KLK1: variants seen among roughly 807,000 people sequenced by gnomAD.
KLK1 encodes kallikrein 1, also known as kallikrein-1.
A neutral mutation model predicts 23.3 loss-of-function variants in KLK1; 22 were observed. The observed-to-expected ratio is 0.95, with a 90% confidence interval of 0.68 to 1.35. KLK1 has a LOEUF of 1.35. KLK1 is among the 40% of genes most tolerant of loss of function. The pLI is 0.00. For synonymous variants in KLK1, 140 were observed against 135.8 expected, an observed-to-expected ratio of 1.03 and a Z score of -0.21; for missense variants, 301 against 338.9, an observed-to-expected ratio of 0.89 and a Z score of 0.88.
chr19:50,822,749 G>A (rs1299159821), intron 1 of KLK1: 4 of 985,422 alleles, frequency 4.1e-6, no homozygotes, highest in Non-Finnish European at 4.8e-6. Flanking sequence ...GGTACTGGAA[G>A]GATATGGGGT....
intron 3 of KLK1, 40 bp from the exon 4 acceptor site, chr19:50,820,075 C>T: frequency 1.2e-6 from 2 of 1,612,252 alleles, no homozygotes; most frequent in Non-Finnish European, 1.7e-6. Context: ...CCCGACCTCA[C>T]CTGCTTCCCT....
At chr19:50,822,132 C>T in intron 1 of KLK1, 1 of 1,220,286 alleles carries the variant, frequency 8.2e-7, no homozygotes, top group Non-Finnish European at 1.0e-6. Context: ...GGGTAGGAGA[C>T]AGGAGACAGT....
Position 50,821,563 on chromosome 19 carries a change from C to CT in KLK1, c.206+148dup. ...CCTTGGAGAGGGGTGTCCAGCCCAG[C>CT]TCTGCCCTGCCAGGCGACCTGCGCC... On this transcript the variant is annotated intron_variant, in intron 2 of 4. Transcript: ENST00000301420. This position sits in a 1 kb window ranked among gnomAD's most constrained non-coding sequence, Gnocchi z 5.6. The CT allele has an allele frequency of 9.0e-7, 1 of 1,107,632 alleles. No homozygotes were observed. The highest frequency in any genetic ancestry group is 1.2e-6 in the Non-Finnish European group (1 of 810,162). The allele number at this position is 1,107,632 out of a possible 1,614,324, so 68.6% of individuals were successfully genotyped here.
intron 4 of KLK1, 80 bp from the exon 5 acceptor site, chr19:50,819,429 C>T (rs2089808048): frequency 1.4e-6 from 2 of 1,400,134 alleles, no homozygotes; most frequent in Middle Eastern, 2.3e-4. Flanking sequence ...AGCTCGCAGA[C>T]AGGGCCTCCA....
Position 50,819,333 on chromosome 19 carries a change from G to A in KLK1, c.650C>T (p.Pro217Leu), listed in dbSNP as rs148196124. Reference protein sequence around the residue: ...KDTCVGDSGGPLMCDGVLQGV... With the variant: ...KDTCVGDSGGLLMCDGVLQGV... ...TTGGAGCACACCATCACACATCAGC[G>A]GGCCCCCTGAATCACCCTGGGAGCA... Residue 217 changes from proline to leucine, a missense_variant, in exon 5 of 5, where the codon CCG (proline) becomes CTG (leucine). Physicochemically the swap from Pro to Leu is moderately conservative, Grantham distance 98 (BLOSUM62 -3). Coordinates refer to ENST00000301420, the MANE Select transcript of KLK1 (RefSeq NM_002257.4). 3.9e-5 allele frequency: 63 copies of A among 1,610,948 alleles called. No individual in the cohort carries two copies. Among genetic ancestry groups the A allele is most frequent in the Non-Finnish European group, 4.9e-5 (58 of 1,177,696 alleles).
intron 3 of KLK1, 23 bp from the exon 4 acceptor site, chr19:50,820,058 G>A (rs2089813350): frequency 1.2e-6 from 2 of 1,613,736 alleles, no homozygotes; most frequent in East Asian, 4.5e-5. Flanking sequence ...GAGAAAAAGG[G>A]CTGCAGCCCG....
chr19:50,822,512 AAAAG>A, intron 1 of KLK1: 1 of 985,232 alleles, frequency 1.0e-6, no homozygotes, highest in Non-Finnish European at 1.2e-6. Context: ...GTTAAAGGGT[AAAAG>A]AAAGGGCTAT....
intron 2 of KLK1, 62 bp from the exon 3 acceptor site, chr19:50,820,505 G>GTGGTGGA: frequency 1.2e-6 from 1 of 832,910 alleles, no homozygotes; most frequent in Non-Finnish European, 1.8e-6. Flanking sequence ...ATGGGGCAGG[G>GTGGTGGA]GAGCATGGGG....
chr19:50,820,344 G>A lies in KLK1; in HGVS notation c.306C>T (p.Asn102=), dbSNP rs773155498. Residue 102 remains asparagine (N), a synonymous_variant, in exon 3 of 5, where the codon AAC becomes AAT. Coordinates refer to ENST00000301420, the MANE Select transcript of KLK1 (RefSeq NM_002257.4). ...VSESFPHPGF[N]MSLLENHTRQ... is the part of the protein sequence containing the mutation. The stretch of plus-strand genomic sequence containing the variant: ...GGGTGTGGTTCTCCAGGAGGCTCAT[G>A]TTGAAGCCAGGGTGTGGGAAGCTCT... 6.2e-7 allele frequency: 1 copy of A among 1,614,036 alleles called. No individual in the cohort carries two copies. The highest frequency in any genetic ancestry group is 8.5e-7 in the Non-Finnish European group (1 of 1,180,006).
chr19:50,822,663 G>A (rs1347519820), intron 1 of KLK1: 2 of 985,166 alleles, frequency 2.0e-6, no homozygotes, highest in African/African-American at 1.8e-5. Flanking sequence ...GGAGGGAGGC[G>A]TGAGTGGCAG....
Position 50,820,242 on chromosome 19 carries a change from A to G in KLK1, c.408T>C (p.Ala136=), listed in dbSNP as rs1364996323. ...CGGTGGGCAACTCCACGACCTTCAC[A>G]GCATCTGTGATGGTATCAGCAGGCT... ...LTEPADTITD[A]VKVVELPTEE... The change falls in exon 3 of 5, where the codon GCT becomes GCC. Residue 136 remains alanine, a synonymous_variant. Coordinates refer to ENST00000301420, the MANE Select transcript of KLK1 (RefSeq NM_002257.4). The G allele has an allele frequency of 6.2e-7, 1 of 1,613,848 alleles. No homozygotes were observed. Among genetic ancestry groups the G allele is most frequent in the East Asian group, 2.2e-5 (1 of 44,856 alleles).
chr19:50,819,353 G>A lies in KLK1; in HGVS notation c.634-4C>T. ...TCAGCGGGCCCCCTGAATCACCCTG[G>A]GAGCACAAGGTGGGAGGGGAGAGTG... On this transcript the variant is annotated splice_polypyrimidine_tract_variant and splice_region_variant and intron_variant, in intron 4 of 4. Transcript: ENST00000301420. The A allele has an allele frequency of 6.2e-7, 1 of 1,605,180 alleles. No homozygotes were observed. Among genetic ancestry groups the A allele is most frequent in the Non-Finnish European group, 8.5e-7 (1 of 1,173,364 alleles).
chr19:50,820,495 A>ATGGGGAACTGGGGT, intron 2 of KLK1, 52 bp from the exon 3 acceptor site: 1 of 308,348 alleles, frequency 3.2e-6, no homozygotes. Context: ...GGAAAAGGGG[A>ATGGGGAACTGGGGT]TGGGGCAGGG....
Position 50,819,907 on chromosome 19 carries a change from T to C in KLK1, c.625A>G (p.Thr209Ala). The stretch of plus-strand genomic sequence containing the variant: ...GGGCAGGGCTGCCTCACCACACAGG[T>C]GTCTTTGCCACCTTCCAGGTGTCCG... ...CVGHLEGGKD[T>A]CVGDSGGPLM... The change falls in exon 4 of 5, where the codon ACC becomes GCC. Residue 209 changes from threonine to alanine, a missense_variant. Transcript: ENST00000301420. The C allele has an allele frequency of 6.2e-7, 1 of 1,614,116 alleles. No individual in the cohort carries two copies. Among genetic ancestry groups the C allele is most frequent in the Non-Finnish European group, 8.5e-7 (1 of 1,180,006 alleles).
chr19:50,819,745 G>A (rs2123386718), intron 4 of KLK1, among the ~76,000 whole-genome samples, 154 bp downstream of exon 4: 2 of 152,292 alleles, frequency 1.3e-5, no homozygotes, highest in South Asian at 2.1e-4. Flanking sequence ...TGGATGGGCG[G>A]GGGAAGGAGG....
At position 50,819,244 on chromosome 19, in the gene KLK1, C is replaced by G. The variant is rs1253394005; in HGVS notation, c.739G>C (p.Val247Leu). The change falls in exon 5 of 5, where the codon GTG becomes CTG. Residue 247 changes from valine to leucine, a missense_variant. By Grantham distance (32) the Val-to-Leu change is conservative. Transcript: ENST00000301420. ...TPNKPSVAVR[V>L]LSYVKWIEDT... Reference sequence around the variant, plus strand: ...TCGATCCACTTCACATAAGACAGCACTCTGACGGCGACAGAAGGCTTATTG... The same window carrying G: ...TCGATCCACTTCACATAAGACAGCAGTCTGACGGCGACAGAAGGCTTATTG... The G allele has an allele frequency of 8.7e-6, 14 of 1,614,064 alleles. No individual in the cohort carries two copies. Among genetic ancestry groups the G allele is most frequent in the African/African-American group, 4.0e-5 (3 of 74,926 alleles).
chr19:50,822,976 A>G, intron 1 of KLK1: 1 of 930,394 alleles, frequency 1.1e-6, no homozygotes, highest in South Asian at 4.9e-5. Context: ...ATTCAGGCAG[A>G]GAAGGGCTGG....
At chr19:50,819,773 T>A in intron 4 of KLK1, 126 bp downstream of exon 4, 1 of 907,330 alleles carries the variant, frequency 1.1e-6, no homozygotes, top group Non-Finnish European at 1.7e-6. Context: ...GGGGCACTGA[T>A]GGGGCGAGTG....
At chr19:50,820,516 G>GA in intron 2 of KLK1, 73 bp from the exon 3 acceptor site, 8 of 483,976 alleles carry the variant, frequency 1.7e-5, no homozygotes, top group Non-Finnish European at 2.3e-5. Context: ...GAGCATGGGG[G>GA]AGGGTCCCCA....
Sources: allele counts gnomAD v4.1 joint callset (sites outside exome capture counted in the v4.1 genomes callset), GRCh38; gene constraint gnomAD v4.1.1; non-coding constraint Gnocchi (gnomAD v3.1); transcripts MANE v1.5; gene names NCBI Gene and HGNC (gene_info 2026-07-23, HGNC 2026-07-21).